Variants in STARD13 observed in about 807,000 individuals in gnomAD.
The protein encoded by STARD13 is StAR related lipid transfer domain containing 13.
STARD13 carries 62 observed loss-of-function variants against 106.4 expected under a neutral mutation model. That is an observed-to-expected ratio of 0.58 (90% confidence interval 0.48 to 0.72). STARD13 has a LOEUF of 0.72. Ranked by LOEUF, STARD13 falls within the 30% of genes least tolerant of loss-of-function variation. The pLI, the probability that STARD13 is intolerant of heterozygous loss-of-function variation, is 0.00. For synonymous variants in STARD13, 565 were observed against 553.0 expected, an observed-to-expected ratio of 1.02 and a Z score of -0.31; for missense variants, 1,387 against 1,424.0, an observed-to-expected ratio of 0.97 and a Z score of 0.42.
chr13:33,277,154 G>A (rs1891486980), intron 1 of STARD13: 1 of 152,026 alleles, frequency 6.6e-6, no homozygotes, highest in African/African-American at 2.4e-5. Context: ...TGACCACCAT[G>A]GTCTTGAGTG....
chr13:33,444,494 A>G, the STARD13 span, among the ~76,000 whole-genome samples: 3 of 152,100 alleles, frequency 2.0e-5, no homozygotes, highest in Non-Finnish European at 4.4e-5. Context: ...GGCCAGGTGC[A>G]GTGGCTCATG....
Position 33,105,462 on chromosome 13 carries a change from A to G in STARD13, c.*131T>C. The G allele has an allele frequency of 1.5e-6, 1 of 658,854 alleles. No homozygotes were observed. Among genetic ancestry groups the G allele is most frequent in the Non-Finnish European group, 2.7e-6 (1 of 371,852 alleles). The allele number at this position is 658,854 out of a possible 1,614,324, so 40.8% of individuals were successfully genotyped here. A position where few individuals can be genotyped will look rare whatever the true frequency, so the allele number is the denominator to read the frequency against. On this transcript the variant is annotated 3_prime_UTR_variant, in exon 14 of 14. Coordinates refer to ENST00000336934, the MANE Select transcript of STARD13 (RefSeq NM_178006.4). ...GCATCTCCAACATTCCAACTTCTTA[A>G]CGTTTCCATTTTTAGGCATTAACCG...
chr13:33,127,354 AG>A lies in STARD13; in HGVS notation c.1922+18del, dbSNP rs1299581295. On this transcript the variant is annotated intron_variant, in intron 6 of 13. Transcript: ENST00000336934. ...GCTCTAGAGCCAAGGATCCCCTCCT[AG>A]GTGAATGTGCTACGCACCATGTCCA... is the stretch of plus-strand genomic sequence containing the variant. 6.4e-7 allele frequency: 1 copy of A among 1,550,688 alleles called. No homozygotes were observed. The highest frequency in any genetic ancestry group is 2.4e-5 in the East Asian group (1 of 41,826).
chr13:33,663,782 C>G, the STARD13 span, among the ~76,000 whole-genome samples: 1 of 152,188 alleles, frequency 6.6e-6, no homozygotes, highest in African/African-American at 2.4e-5. Context: ...GAAAGGCTCT[C>G]TCAGATCGGG....
chr13:33,617,341 C>T, the STARD13 span, among the ~76,000 whole-genome samples: 1 of 152,122 alleles, frequency 6.6e-6, no homozygotes, highest in African/African-American at 2.4e-5. Flanking sequence ...TGCTTGTAAA[C>T]TGCACAGCAA....
At chr13:33,573,148 G>A in the STARD13 span, among the ~76,000 whole-genome samples, 93 of 152,176 alleles carry the variant, frequency 6.1e-4, no homozygotes, top group East Asian at 0.016. Context: ...TCTAGACTAC[G>A]GTAGCCCCAG....
At chr13:33,490,368 G>A in the STARD13 span, among the ~76,000 whole-genome samples, 1 of 152,092 alleles carries the variant, frequency 6.6e-6, no homozygotes, top group African/African-American at 2.4e-5. Flanking sequence ...CTGTTTTCGC[G>A]CTCCTCTTTG....
chr13:33,624,477 T>C, the STARD13 span, among the ~76,000 whole-genome samples: 1 of 152,230 alleles, frequency 6.6e-6, no homozygotes, highest in African/African-American at 2.4e-5. Flanking sequence ...TCAGCATTTA[T>C]GTATTTGTTT....
chr13:33,520,605 C>T, the STARD13 span, among the ~76,000 whole-genome samples: 2 of 152,078 alleles, frequency 1.3e-5, no homozygotes, highest in African/African-American at 4.8e-5. Context: ...GGTAGTGCTA[C>T]CTCAGCCTGG....
chr13:33,654,661 G>A, the STARD13 span: 1 of 152,200 alleles, frequency 6.6e-6, no homozygotes, highest in South Asian at 2.1e-4. Context: ...AAGATAAAAA[G>A]TGTTAAAATA....
chr13:33,460,196 A>G, the STARD13 span, among the ~76,000 whole-genome samples: 1 of 152,050 alleles, frequency 6.6e-6, no homozygotes, highest in African/African-American at 2.4e-5. Flanking sequence ...AATGGTAAAA[A>G]GAAAGATTGG....
At chr13:33,488,547 A>AT in the STARD13 span, among the ~76,000 whole-genome samples, 1 of 152,296 alleles carries the variant, frequency 6.6e-6, no homozygotes, top group South Asian at 2.1e-4. Context: ...TAGAATGAAG[A>AT]TTTTTAAGAA....
At chr13:33,309,539 G>A (rs1340788631) in intron 1 of STARD13, among the ~76,000 whole-genome samples, 2 of 152,184 alleles carry the variant, frequency 1.3e-5, no homozygotes. Context: ...TCGCTATTGA[G>A]GCAGAAGGTT....
chr13:33,353,432 G>T (rs1168725378), upstream of STARD13, among the ~76,000 whole-genome samples: 1 of 152,062 alleles, frequency 6.6e-6, no homozygotes, highest in Non-Finnish European at 1.5e-5. Flanking sequence ...GGCTTGTCTC[G>T]TGGCTGTCAG....
chr13:33,292,918 G>A (rs937386324), intron 1 of STARD13, among the ~76,000 whole-genome samples: 7 of 151,574 alleles, frequency 4.6e-5, no homozygotes, highest in African/African-American at 1.7e-4. Flanking sequence ...TGAACCACCA[G>A]GTCCTGCACA....
intron 4 of STARD13, among the ~76,000 whole-genome samples, chr13:33,132,579 A>G (rs1878472508): frequency 6.6e-6 from 1 of 152,228 alleles, no homozygotes; most frequent in Admixed American, 6.5e-5. Flanking sequence ...GGACTAATAC[A>G]GTGGCTCACG....
chr13:33,673,525 A>G, the STARD13 span, among the ~76,000 whole-genome samples: 20 of 151,510 alleles, frequency 1.3e-4, no homozygotes, highest in Non-Finnish European at 2.9e-4. Flanking sequence ...TTGTCTATAG[A>G]TGGAAGCAGT....
At chr13:33,380,807 G>A in the STARD13 span, among the ~76,000 whole-genome samples, 152 of 152,234 alleles carry the variant, frequency 1.0e-3, 1 homozygote, top group Admixed American at 3.7e-3. Flanking sequence ...GAGGGTACCC[G>A]TGCCAGGTTC....
At chr13:33,431,595 C>T in the STARD13 span, among the ~76,000 whole-genome samples, 1 of 152,012 alleles carries the variant, frequency 6.6e-6, no homozygotes, top group East Asian at 1.9e-4. Flanking sequence ...TTAAGCAATA[C>T]CCAATACTAG....
Sources: gnomAD v4.1 joint callset for allele counts (sites outside exome capture counted in the v4.1 genomes callset) on GRCh38, gnomAD v4.1.1 for gene constraint, MANE v1.5 for transcripts, NCBI Gene and HGNC (gene_info 2026-07-23, HGNC 2026-07-21) for gene names.